The following MAP4K4 variants were observed in gnomAD, a reference collection of about 807,000 sequenced individuals.
MAP4K4 encodes HPK/GCK-like kinase HGK.
MAP4K4 carries 38 observed loss-of-function variants against 189.6 expected under a neutral mutation model. The ratio of observed to expected loss-of-function variants is 0.20; its 90% CI spans 0.15 to 0.26. The LOEUF is 0.26. Among genes scored for constraint, MAP4K4 ranks in the 10% least tolerant of loss-of-function variants. The pLI, the probability that MAP4K4 is intolerant of heterozygous loss-of-function variation, is 1.00. For synonymous variants in MAP4K4, 610 were observed against 624.3 expected, an observed-to-expected ratio of 0.98 and a Z score of 0.34; for missense variants, 1,054 against 1,726.9, an observed-to-expected ratio of 0.61 and a Z score of 6.91.
chr2:101,707,228 T>A (rs530279941), intron 2 of MAP4K4, among the ~76,000 whole-genome samples: 1 of 151,480 alleles, frequency 6.6e-6, no homozygotes, highest in South Asian at 2.1e-4. Context: ...TTTTTTTTTT[T>A]TTGAGACAGT....
At chr2:101,707,478 G>A (rs1352241064) in intron 2 of MAP4K4, among the ~76,000 whole-genome samples, 5 of 152,006 alleles carry the variant, frequency 3.3e-5, no homozygotes, top group African/African-American at 1.2e-4. Flanking sequence ...CAAAGTGCTG[G>A]GATTACAGGC....
intron 15 of MAP4K4, 58 bp from the exon 16 acceptor site, chr2:101,860,766 TG>T: frequency 7.2e-7 from 1 of 1,379,484 alleles, no homozygotes; most frequent in South Asian, 1.4e-5. Flanking sequence ...AGACTTTCTT[TG>T]ATATTTCTGC....
intron 2 of MAP4K4, among the ~76,000 whole-genome samples, chr2:101,741,941 C>T (rs1006071365): frequency 3.3e-5 from 5 of 152,180 alleles, no homozygotes; most frequent in Non-Finnish European, 4.4e-5. Flanking sequence ...AGGAATGCCA[C>T]GCTGCTGTGC....
chr2:101,876,731 G>T (rs1169078821), intron 26 of MAP4K4, among the ~76,000 whole-genome samples: 2 of 152,192 alleles, frequency 1.3e-5, no homozygotes, highest in Non-Finnish European at 2.9e-5. Flanking sequence ...GAAACTAATG[G>T]ATTATTAAGG....
chr2:101,834,519 C>T, intron 8 of MAP4K4, 56 bp downstream of exon 8: 1 of 1,383,564 alleles, frequency 7.2e-7, no homozygotes, highest in Admixed American at 1.9e-5. Context: ...TAAACCCCTC[C>T]CAAGACTTCA....
exon 33 of MAP4K4, chr2:101,891,993 AAAAAAAAAAAAAAAAAAAAAAAGG>A (rs2098576629): frequency 1.4e-5 from 2 of 146,620 alleles, no homozygotes; most frequent in Non-Finnish European, 3.0e-5. Context: ...GTTCTAAAAA[AAAAAAAAAAAAAAAAAAAAAAAGG>A]AAAAAAAAAA....
intron 2 of MAP4K4, among the ~76,000 whole-genome samples, chr2:101,711,878 G>A (rs1040708569): frequency 2.6e-5 from 4 of 151,502 alleles, no homozygotes; most frequent in East Asian, 1.9e-4. Flanking sequence ...ATTTTAAATA[G>A]GATGCTTATT....
chr2:101,763,907 TGGCTGGAGAGGG>T (rs1236390140), intron 2 of MAP4K4, among the ~76,000 whole-genome samples: 1 of 152,122 alleles, frequency 6.6e-6, no homozygotes, highest in African/African-American at 2.4e-5. Context: ...CACAAGGCTG[TGGCTGGAGAGGG>T]GGCTGGAGAG....
intron 13 of MAP4K4, 89 bp from the exon 14 acceptor site, chr2:101,858,907 T>A: frequency 1.2e-6 from 1 of 864,758 alleles, no homozygotes; most frequent in Non-Finnish European, 1.9e-6. Context: ...TAAAGGTGAT[T>A]GGAGCAAATG....
chr2:101,875,814 T>C (rs1164515018), intron 26 of MAP4K4, among the ~76,000 whole-genome samples: 1 of 152,180 alleles, frequency 6.6e-6, no homozygotes, highest in Admixed American at 6.5e-5. Context: ...GAGGGAGAAG[T>C]GCTTTGGCCA....
chr2:101,769,004 C>G (rs180816385), intron 2 of MAP4K4, among the ~76,000 whole-genome samples: 1 of 152,238 alleles, frequency 6.6e-6, no homozygotes, highest in African/African-American at 2.4e-5. Flanking sequence ...CTGTGAGGGT[C>G]TGGAATTGTA....
chr2:101,733,639 C>T lies in MAP4K4; in HGVS notation c.123+35101C>T, dbSNP rs143976087. Among the ~76,000 whole-genome samples the T allele has an allele frequency of 8.0e-4, 122 of 152,248 alleles. 1 individual carries two copies. The highest frequency in any genetic ancestry group is 1.5e-3 in the Non-Finnish European group (100 of 68,020). ...ACACCAAAGGGCAAAATGTATGGAG[C>T]GTGCATGGGACAGTAGAAAGAATGG... On this transcript the variant is annotated intron_variant, in intron 2 of 32. Coordinates refer to ENST00000324219, the Ensembl canonical transcript of MAP4K4.
intron 5 of MAP4K4, among the ~76,000 whole-genome samples, chr2:101,827,730 C>G (rs994111714): frequency 1.3e-5 from 2 of 152,202 alleles, no homozygotes; most frequent in African/African-American, 2.4e-5. Context: ...CAGCCCACTT[C>G]CATGTTCACA....
chr2:101,832,078 A>G (rs2096609060), intron 7 of MAP4K4, among the ~76,000 whole-genome samples: 1 of 152,236 alleles, frequency 6.6e-6, no homozygotes, highest in Non-Finnish European at 1.5e-5. Context: ...CACTGGTTTC[A>G]AAGCAGTCTG....
intron 2 of MAP4K4, among the ~76,000 whole-genome samples, chr2:101,713,595 TA>T (rs35743081): frequency 0.12 from 14,071 of 117,564 alleles, 817 homozygotes; most frequent in African/African-American, 0.16. Flanking sequence ...AGACCTTGTC[TA>T]AAAAAAAAAA....
At chr2:101,802,327 A>G (rs1389683561) in intron 3 of MAP4K4, among the ~76,000 whole-genome samples, 1 of 152,098 alleles carries the variant, frequency 6.6e-6, no homozygotes, top group Non-Finnish European at 1.5e-5. Flanking sequence ...GTAGCAGCTG[A>G]CTGAAGCTTG....
At chr2:101,805,418 A>G (rs2094833718) in intron 3 of MAP4K4, among the ~76,000 whole-genome samples, 1 of 152,242 alleles carries the variant, frequency 6.6e-6, no homozygotes, top group Non-Finnish European at 1.5e-5. Flanking sequence ...AGGTCCACCC[A>G]TATGGCTGCT....
At chr2:101,773,298 A>G (rs1017237909) in intron 2 of MAP4K4, among the ~76,000 whole-genome samples, 1 of 152,232 alleles carries the variant, frequency 6.6e-6, no homozygotes, top group East Asian at 1.9e-4. Context: ...AACAAAGACA[A>G]TGCCAACAAA....
chr2:101,797,070 A>T (rs2093774706), intron 3 of MAP4K4, among the ~76,000 whole-genome samples: 1 of 152,204 alleles, frequency 6.6e-6, no homozygotes, highest in Admixed American at 6.5e-5. Flanking sequence ...GGAGTAAAAC[A>T]AGCATATTCC....
Sources: gnomAD v4.1 joint callset for allele counts (sites outside exome capture counted in the v4.1 genomes callset) on GRCh38, gnomAD v4.1.1 for gene constraint, MANE v1.5 for transcripts, NCBI Gene and HGNC (gene_info 2026-07-23, HGNC 2026-07-21) for gene names.